The following TGFBR3 variants were observed in gnomAD, a reference collection of about 807,000 sequenced individuals.
TGFBR3 encodes transforming growth factor beta receptor type 3.
Under a neutral mutation model 87.9 loss-of-function variants are expected in TGFBR3, and 46 were observed. The ratio of observed to expected loss-of-function variants is 0.52; its 90% confidence interval spans 0.41 to 0.67. TGFBR3 has a LOEUF of 0.67. Among genes scored for constraint, TGFBR3 ranks in the 30% least tolerant of loss-of-function variants. The pLI, the probability that TGFBR3 is intolerant of heterozygous loss-of-function variation, is 0.00. For missense variants in TGFBR3, 866 were observed against 1,041.9 expected, an observed-to-expected ratio of 0.83 and a Z score of 2.32; for synonymous variants, 381 against 391.6, an observed-to-expected ratio of 0.97 and a Z score of 0.32.
intron 1 of TGFBR3, among the ~76,000 whole-genome samples, chr1:91,870,864 A>C: frequency 6.6e-6 from 1 of 152,112 alleles, no homozygotes; most frequent in Non-Finnish European, 1.5e-5. Flanking sequence ...AAATAAATAA[A>C]TAAATAAATA....
chr1:91,735,011 T>C (rs1672914411), intron 4 of TGFBR3, 52 bp from the exon 5 acceptor site: 1 of 1,598,990 alleles, frequency 6.3e-7, no homozygotes, highest in Non-Finnish European at 8.6e-7. Flanking sequence ...CGGAGCTGAA[T>C]CATAATTAGA....
chr1:91,831,526 A>T (rs1040364373), intron 2 of TGFBR3, among the ~76,000 whole-genome samples: 3 of 152,232 alleles, frequency 2.0e-5, no homozygotes, highest in Non-Finnish European at 4.4e-5. Flanking sequence ...ATGGAAATGA[A>T]AGGTCCCTAA....
intron 2 of TGFBR3, among the ~76,000 whole-genome samples, chr1:91,860,934 CAAAAAAAA>C (rs3039477): frequency 5.6e-5 from 2 of 35,636 alleles, no homozygotes; most frequent in Non-Finnish European, 1.1e-4. Context: ...TCTGTCTCCA[CAAAAAAAA>C]AAAAAAAAAA....
intron 1 of TGFBR3, among the ~76,000 whole-genome samples, chr1:91,885,442 T>C (rs1679259251): frequency 6.6e-6 from 1 of 151,868 alleles, no homozygotes; most frequent in Admixed American, 6.5e-5. Flanking sequence ...GCAAACCGCG[T>C]CCGTGCACGA....
At chr1:91,853,364 T>A (rs916747403) in intron 2 of TGFBR3, among the ~76,000 whole-genome samples, 1 of 151,392 alleles carries the variant, frequency 6.6e-6, no homozygotes, top group Non-Finnish European at 1.5e-5. Context: ...ATCCTTACAT[T>A]CCCTGGTGGT....
chr1:91,840,264 G>C (rs966621705), intron 2 of TGFBR3, among the ~76,000 whole-genome samples: 1 of 151,432 alleles, frequency 6.6e-6, no homozygotes, highest in African/African-American at 2.4e-5. Flanking sequence ...AGAGTTTGCA[G>C]TGAGCCGAGA....
Position 91,683,166 on chromosome 1 carries a change from T to C in TGFBR3, c.*573A>G, listed in dbSNP as rs763034502. ...GTGCAGTCCCTGAGGGCAGCACCCA[T>C]CAAGGGACACATCAGACCCCACAGG... On this transcript the variant is annotated 3_prime_UTR_variant, in exon 17 of 17. Coordinates refer to ENST00000212355, the MANE Select transcript of TGFBR3 (RefSeq NM_003243.5). The C allele has an allele frequency of 1.1e-5, 5 of 454,550 alleles. No homozygotes were observed. The highest frequency in any genetic ancestry group is 6.9e-4 in the Middle Eastern group (1 of 1,446). The allele number at this position is 454,550 out of a possible 1,614,324, so 28.2% of individuals were successfully genotyped here.
intron 3 of TGFBR3, among the ~76,000 whole-genome samples, chr1:91,796,348 G>A (rs558072594): frequency 6.6e-6 from 1 of 152,216 alleles, no homozygotes; most frequent in Admixed American, 6.5e-5. Flanking sequence ...CCTGTAAAAT[G>A]AGTATAATTG....
intron 3 of TGFBR3, among the ~76,000 whole-genome samples, chr1:91,782,585 G>C (rs1013722838): frequency 5.3e-5 from 8 of 152,186 alleles, no homozygotes; most frequent in Non-Finnish European, 1.5e-5. Flanking sequence ...CCTTCATTAA[G>C]TGTTAAATTT....
chr1:91,721,092 G>T (rs1467671743), intron 8 of TGFBR3, among the ~76,000 whole-genome samples: 2 of 152,118 alleles, frequency 1.3e-5, no homozygotes, highest in Non-Finnish European at 2.9e-5. Flanking sequence ...TACACTTGAG[G>T]TCAAATCCAT....
intron 3 of TGFBR3, chr1:91,786,267 T>C (rs974184052): frequency 8.8e-6 from 4 of 455,880 alleles, no homozygotes; most frequent in African/African-American, 2.0e-5. Flanking sequence ...GAGCATTATT[T>C]AGAGAAGTTT....
chr1:91,726,131 C>T (rs1239954765), intron 7 of TGFBR3, among the ~76,000 whole-genome samples: 2 of 152,124 alleles, frequency 1.3e-5, no homozygotes, highest in African/African-American at 4.8e-5. Flanking sequence ...CATTTCTAGC[C>T]TTTCTGATTC....
At chr1:91,723,389 GA>G (rs1365966044) in intron 7 of TGFBR3, among the ~76,000 whole-genome samples, 1 of 150,874 alleles carries the variant, frequency 6.6e-6, no homozygotes, top group Non-Finnish European at 1.5e-5. Context: ...GCTGAGGTGG[GA>G]GGATCACCTG....
intron 2 of TGFBR3, chr1:91,801,098 AAAGAG>A (rs1440437749): frequency 8.7e-5 from 19 of 217,898 alleles, no homozygotes; most frequent in Admixed American, 6.3e-4. Context: ...AAAAAAAAAA[AAAGAG>A]AGAGAGAGAG....
chr1:91,833,275 G>A lies in TGFBR3; in HGVS notation c.61+28196C>T, dbSNP rs189911733. On this transcript the variant is annotated intron_variant, in intron 2 of 16. Transcript: ENST00000212355. Reference sequence around the variant, plus strand: ...CACTCCATTGCACTCCAGCCCAGGCGACAGTAGGAGACTCCGACTCAAAAA... The same window carrying A: ...CACTCCATTGCACTCCAGCCCAGGCAACAGTAGGAGACTCCGACTCAAAAA... Among the ~76,000 whole-genome samples, 79 of 116,096 alleles carry A rather than the reference G, an allele frequency of 6.8e-4. 1 individual carries two copies. Among genetic ancestry groups the A allele is most frequent in the African/African-American group, 2.4e-3 (68 of 28,798 alleles). 76.2% of individuals were successfully genotyped at this position (116,096 alleles called of 152,430 possible).
In TGFBR3 at chr1:91,719,920, G is replaced by A. The variant is rs750054560; in HGVS notation, c.1386C>T (p.Ile462=). 3 of 1,614,158 alleles carry A rather than the reference G, an allele frequency of 1.9e-6. No homozygotes were observed. Among genetic ancestry groups the A allele is most frequent in the East Asian group, 2.2e-5 (1 of 44,876 alleles). The change falls in exon 9 of 17, where the codon ATC becomes ATT. Residue 462 remains isoleucine, a synonymous_variant. Transcript: ENST00000212355. ...LSVKCDNEKM[I]VAVEKDSFQA... ...GAAAAGAATCTTTTTCTACAGCCAC[G>A]ATCATCTTCTCATTGTCACATTTGA...
chr1:91,680,622 C>A lies in TGFBR3; in HGVS notation c.*3117G>T, dbSNP rs56247486. 2.2e-6 allele frequency: 1 copy of A among 454,000 alleles called. No individual in the cohort carries two copies. Among genetic ancestry groups the A allele is most frequent in the South Asian group, 1.6e-5 (1 of 64,470 alleles). The allele number at this position is 454,000 out of a possible 1,614,324, so 28.1% of individuals were successfully genotyped here. ...ATAATAGTCCTTTTTAGAAAAACAT[C>A]TGTCAGTTTCATGAACAACCCCCAG... is the stretch of plus-strand genomic sequence containing the variant. On this transcript the variant is annotated 3_prime_UTR_variant, in exon 17 of 17. Coordinates refer to ENST00000212355, the MANE Select transcript of TGFBR3 (RefSeq NM_003243.5).
chr1:91,686,913 G>A (rs1887053), intron 16 of TGFBR3, among the ~76,000 whole-genome samples: 7,463 of 152,246 alleles, frequency 0.049, 445 homozygotes, highest in East Asian at 0.31. Flanking sequence ...AGGGCGCCTT[G>A]CTTGTAAATA....
At position 91,722,660 on chromosome 1, in the gene TGFBR3, A is replaced by G. The variant is rs11466591; in HGVS notation, c.886-516T>C. Among the ~76,000 whole-genome samples the G allele has an allele frequency of 9.0e-3, 1,375 of 152,318 alleles. 10 individuals carry two copies. The highest frequency in any genetic ancestry group is 0.014 in the Non-Finnish European group (964 of 68,018). On this transcript the variant is annotated intron_variant, in intron 7 of 16. Coordinates refer to ENST00000212355, the MANE Select transcript of TGFBR3 (RefSeq NM_003243.5). ...GGAGATATGTCCTGAGAAATGCATC[A>G]TTAGGTGATTTAGTCATTGTGTGAG...
Sources: gnomAD v4.1 joint callset for allele counts (sites outside exome capture counted in the v4.1 genomes callset) on GRCh38, gnomAD v4.1.1 for gene constraint, MANE v1.5 for transcripts, NCBI Gene and HGNC (gene_info 2026-07-23, HGNC 2026-07-21) for gene names.